MAP3K13: variants seen among roughly 807,000 people sequenced by gnomAD.
MAP3K13 encodes the protein leucine zipper-bearing kinase.
In MAP3K13, 52 loss-of-function variants were observed where a neutral mutation model predicts 104.0. The ratio of observed to expected loss-of-function variants is 0.50; its 90% confidence interval spans 0.40 to 0.63. The LOEUF (loss-of-function observed/expected upper bound fraction) is 0.63. MAP3K13 is among the 20% of genes least tolerant of loss of function. The pLI is 0.00. For missense variants in MAP3K13, 914 were observed against 1,218.5 expected (o/e 0.75, Z 3.72); for synonymous variants, 394 against 442.2 (o/e 0.89, Z 1.37).
intron 12 of MAP3K13, among the ~76,000 whole-genome samples, chr3:185,478,558 C>A (rs1718261743): frequency 6.6e-6 from 1 of 152,268 alleles, no homozygotes; most frequent in South Asian, 2.1e-4. Context: ...CATCACCTGT[C>A]CTGGGCATCA....
At chr3:185,479,085 G>A (rs1718303247) in intron 12 of MAP3K13, among the ~76,000 whole-genome samples, 2 of 152,284 alleles carry the variant, frequency 1.3e-5, no homozygotes, top group Admixed American at 1.3e-4. Flanking sequence ...CTCCCCAGAA[G>A]CGTTGGCTCA....
chr3:185,366,242 T>G (rs1723883219), intron 1 of MAP3K13, among the ~76,000 whole-genome samples: 1 of 152,112 alleles, frequency 6.6e-6, no homozygotes, highest in Non-Finnish European at 1.5e-5. Flanking sequence ...GCATAATGTT[T>G]TCAAAGTTTG....
At chr3:185,328,407 A>G (rs12696548) in intron 2 of MAP3K13, among the ~76,000 whole-genome samples, 119,318 of 151,956 alleles carry the variant, frequency 0.79, 47,266 homozygotes, top group Non-Finnish European at 0.84. Flanking sequence ...CCACCACCAC[A>G]CCCAGCTAAT....
At position 185,330,035 on chromosome 3, in the gene MAP3K13, A is replaced by G. The variant is rs572677752; in HGVS notation, c.-86+44392A>G. ...GCTTGGATTATAGGCGCCCGCCACCATGCCTGGCTAATTTTTTTTTTTTTT... is the reference window on the plus strand; with the variant it reads ...GCTTGGATTATAGGCGCCCGCCACCGTGCCTGGCTAATTTTTTTTTTTTTT... On this transcript the variant is annotated intron_variant, in intron 2 of 14. Coordinates refer to the MAP3K13 transcript ENST00000424227. 2.2e-5 allele frequency among the ~76,000 whole-genome samples: 3 copies of G among 137,492 alleles called. No homozygotes were observed. The South Asian group carries it at 6.9e-4, about 32-fold the overall frequency. The allele number at this position is 137,492 out of a possible 152,430, so 90.2% of individuals were successfully genotyped here. A position where few individuals can be genotyped will look rare whatever the true frequency, so the allele number is the denominator to read the frequency against.
chr3:185,342,658 A>G (rs953918673), intron 2 of MAP3K13, among the ~76,000 whole-genome samples: 1 of 152,186 alleles, frequency 6.6e-6, no homozygotes, highest in Non-Finnish European at 1.5e-5. Flanking sequence ...TATAATCTTT[A>G]TTAGGTGCTT....
intron 10 of MAP3K13, among the ~76,000 whole-genome samples, chr3:185,470,772 G>T (rs1717729225): frequency 6.6e-6 from 1 of 152,170 alleles, no homozygotes; most frequent in Non-Finnish European, 1.5e-5. Flanking sequence ...ATGCACATAT[G>T]AGGGGACTTC....
Position 185,380,955 on chromosome 3 carries a change from T to G in MAP3K13, c.-86+17587T>G, listed in dbSNP as rs71631262. 1.4e-3 allele frequency among the ~76,000 whole-genome samples: 205 copies of G among 150,528 alleles called. 4 individuals are homozygous for G. Among genetic ancestry groups the G allele is most frequent in the Non-Finnish European group, 2.3e-3 (154 of 67,520 alleles). The stretch of plus-strand genomic sequence containing the variant: ...GAGGAAGAAGGTTTTTTTGTTTTTT[T>G]TTTGTTTTTTTTTGTTTTTCTTTTT... On this transcript the variant is annotated intron_variant, in intron 1 of 13. Coordinates refer to ENST00000265026, the MANE Select transcript of MAP3K13 (RefSeq NM_004721.5).
intron 2 of MAP3K13, among the ~76,000 whole-genome samples, chr3:185,352,863 G>A (rs1046570805): frequency 6.6e-6 from 1 of 152,204 alleles, no homozygotes; most frequent in African/African-American, 2.4e-5. Context: ...TGAACAGACT[G>A]GATTGGAACC....
intron 2 of MAP3K13, among the ~76,000 whole-genome samples, chr3:185,313,238 C>T (rs1002139712): frequency 3.4e-5 from 5 of 147,108 alleles, no homozygotes; most frequent in Admixed American, 2.7e-4. Flanking sequence ...AGAAGCATTT[C>T]ATATTTTCAC....
chr3:185,454,872 GATATATATATGATATATATATGAGAT>G (rs1560117741), intron 7 of MAP3K13, among the ~76,000 whole-genome samples: 3 of 26,410 alleles, frequency 1.1e-4, no homozygotes, highest in African/African-American at 2.2e-4. Context: ...ATATATATGA[GATATATATATGATATATATATGAGAT>G]ATATATATGA....
chr3:185,360,124 T>A (rs1378013179), upstream of MAP3K13, among the ~76,000 whole-genome samples: 1 of 152,166 alleles, frequency 6.6e-6, no homozygotes, highest in Non-Finnish European at 1.5e-5. Flanking sequence ...TAAAAGAGCT[T>A]ACTCACCTTG....
intron 2 of MAP3K13, among the ~76,000 whole-genome samples, chr3:185,287,897 C>T (rs930284093): frequency 3.9e-5 from 6 of 152,078 alleles, no homozygotes; most frequent in Non-Finnish European, 7.4e-5. Flanking sequence ...ATTAGCTGGG[C>T]ATGGTGGCAC....
chr3:185,341,939 A>G (rs1406169656), intron 2 of MAP3K13, among the ~76,000 whole-genome samples: 1 of 152,210 alleles, frequency 6.6e-6, no homozygotes, highest in African/African-American at 2.4e-5. Flanking sequence ...TTTAAGAAAA[A>G]GTTTGCCAAG....
At chr3:185,449,637 T>G (rs1016916088) in intron 5 of MAP3K13, among the ~76,000 whole-genome samples, 2 of 152,146 alleles carry the variant, frequency 1.3e-5, no homozygotes, top group Admixed American at 6.6e-5. Flanking sequence ...TATTTCTGGA[T>G]TTCTTGTCCA....
At chr3:185,398,140 G>C (rs1347447698) in intron 1 of MAP3K13, among the ~76,000 whole-genome samples, 1 of 152,078 alleles carries the variant, frequency 6.6e-6, no homozygotes, top group African/African-American at 2.4e-5. Context: ...GGTGAGGAGA[G>C]GAACATTCGA....
intron 2 of MAP3K13, among the ~76,000 whole-genome samples, chr3:185,356,906 GTATT>G (rs777898292): frequency 2.1e-5 from 3 of 145,416 alleles, no homozygotes; most frequent in African/African-American, 5.1e-5. Flanking sequence ...ATGTATGTAT[GTATT>G]TATGTATTGA....
intron 2 of MAP3K13, among the ~76,000 whole-genome samples, chr3:185,329,435 A>G (rs571270526): frequency 6.6e-6 from 1 of 152,382 alleles, no homozygotes; most frequent in East Asian, 1.9e-4. Context: ...AAGAATGAGA[A>G]TAAAGTAGAA....
chr3:185,310,882 C>T (rs1482176327), intron 2 of MAP3K13, among the ~76,000 whole-genome samples: 1 of 152,162 alleles, frequency 6.6e-6, no homozygotes, highest in Non-Finnish European at 1.5e-5. Context: ...CTTAGTGCTT[C>T]TCTGTTCTTG....
intron 2 of MAP3K13, among the ~76,000 whole-genome samples, chr3:185,355,629 C>T (rs550984240): frequency 1.3e-5 from 2 of 151,886 alleles, no homozygotes; most frequent in African/African-American, 4.8e-5. Context: ...AGTGAGACTC[C>T]GTCTCAAAAA....
Sources: allele counts gnomAD v4.1 joint callset (sites outside exome capture counted in the v4.1 genomes callset), GRCh38; gene constraint gnomAD v4.1.1; transcripts MANE v1.5; gene names NCBI Gene and HGNC (gene_info 2026-07-23, HGNC 2026-07-21).